Variants in HERC2 observed in about 807,000 individuals in gnomAD.
The protein encoded by HERC2 is E3 ubiquitin-protein ligase HERC2.
Under a neutral mutation model 537.7 loss-of-function variants are expected in HERC2, and 102 were observed. That is an observed-to-expected ratio of 0.19 (90% CI 0.16 to 0.22). HERC2 has a LOEUF of 0.22. Among genes scored for constraint, HERC2 ranks in the 10% least tolerant of loss-of-function variants. The probability of loss-of-function intolerance (pLI) is 1.00; values close to 1 mark genes in which losing one functional copy is unlikely to be tolerated. For missense variants in HERC2, 4,236 were observed against 6,198.2 expected, an observed-to-expected ratio of 0.68 and a Z score of 10.63; for synonymous variants, 2,224 against 2,466.2, an observed-to-expected ratio of 0.90 and a Z score of 2.91.
Position 28,206,398 on chromosome 15 carries a change from A to G in HERC2, c.7070-16T>C. The G allele has an allele frequency of 1.4e-6, 1 of 698,086 alleles. No homozygotes were observed. The highest frequency in any genetic ancestry group is 2.6e-6 in the Non-Finnish European group (1 of 388,176). 43.2% of individuals were successfully genotyped at this position (698,086 alleles called of 1,614,324 possible). A position where few individuals can be genotyped will look rare whatever the true frequency, so the allele number is the denominator to read the frequency against. On this transcript the variant is annotated splice_polypyrimidine_tract_variant and intron_variant, in intron 44 of 92. Coordinates refer to ENST00000261609, the MANE Select transcript of HERC2 (RefSeq NM_004667.6). The stretch of plus-strand genomic sequence containing the variant: ...GCTCCATCATCTGAATTTAAAAACA[A>G]AATATGTGTAAGATTCTATTTTCAA...
At chr15:28,162,896 A>G (rs996351319) in intron 69 of HERC2, among the ~76,000 whole-genome samples, 198 bp downstream of exon 69, 2 of 152,226 alleles carry the variant, frequency 1.3e-5, no homozygotes, top group Non-Finnish European at 2.9e-5. Context: ...GTCTCAAAAA[A>G]ACAAAAAACA....
Position 28,276,192 on chromosome 15 carries a change from C to CAA in HERC2, c.543-1189_543-1188dup, listed in dbSNP as rs11359639. Among the ~76,000 whole-genome samples, 133 of 70,082 alleles carry CAA rather than the reference C, an allele frequency of 1.9e-3. 1 individual carries two copies. The highest frequency in any genetic ancestry group is 2.3e-3 in the African/African-American group (46 of 19,776). 46.0% of individuals were successfully genotyped at this position (70,082 alleles called of 152,430 possible). On this transcript the variant is annotated intron_variant, in intron 5 of 92. Coordinates refer to ENST00000261609, the MANE Select transcript of HERC2 (RefSeq NM_004667.6). ...CAGAGCAAGACTCCATCTCAAAAAACAAAAAAAAAAAAAAAAAAAAAAAAA... is the reference window on the plus strand; with the variant it reads ...CAGAGCAAGACTCCATCTCAAAAAACAAAAAAAAAAAAAAAAAAAAAAAAAAA...
chr15:28,197,206 GA>G (rs1458297760), intron 50 of HERC2, among the ~76,000 whole-genome samples: 1 of 152,190 alleles, frequency 6.6e-6, no homozygotes, highest in Non-Finnish European at 1.5e-5. Context: ...GCGATCTGAT[GA>G]AAAGAGAGCC....
intron 23 of HERC2, 61 bp from the exon 24 acceptor site, chr15:28,238,833 A>G: frequency 8.3e-7 from 1 of 1,204,264 alleles, no homozygotes; most frequent in Non-Finnish European, 1.2e-6. Context: ...TGAAAAGAAC[A>G]AACTGTGTGA....
At chr15:28,315,108 G>C (rs1167975351) in intron 2 of HERC2, among the ~76,000 whole-genome samples, 2 of 152,204 alleles carry the variant, frequency 1.3e-5, no homozygotes, top group Non-Finnish European at 2.9e-5. Context: ...TGTTCAGCCA[G>C]CACATTCACT....
At chr15:28,313,858 C>G (rs1230362153) in intron 2 of HERC2, among the ~76,000 whole-genome samples, 1 of 152,060 alleles carries the variant, frequency 6.6e-6, no homozygotes. Flanking sequence ...GCCCAGAGAA[C>G]CTAAGCAAGC....
chr15:28,131,480 G>C (rs1890102163), intron 81 of HERC2, among the ~76,000 whole-genome samples: 1 of 152,206 alleles, frequency 6.6e-6, no homozygotes, highest in South Asian at 2.1e-4. Context: ...CATGCACTGA[G>C]GTCACTGAGA....
At chr15:28,277,597 C>T (rs1428233743) in intron 5 of HERC2, among the ~76,000 whole-genome samples, 1 of 152,168 alleles carries the variant, frequency 6.6e-6, no homozygotes, top group Non-Finnish European at 1.5e-5. Context: ...GGCTCTCAGC[C>T]ATTTCTGCAG....
intron 4 of HERC2, among the ~76,000 whole-genome samples, chr15:28,284,156 T>G (rs2076094220): frequency 6.6e-6 from 1 of 152,164 alleles, no homozygotes; most frequent in Non-Finnish European, 1.5e-5. Context: ...TTTCAAATTT[T>G]GGGGCATTTC....
chr15:28,245,815 A>G (rs923431623), intron 23 of HERC2, 66 bp downstream of exon 23: 16 of 1,324,750 alleles, frequency 1.2e-5, no homozygotes, highest in Non-Finnish European at 1.6e-5. Context: ...TCAAATTGAA[A>G]GGCAAGAATA....
At chr15:28,320,726 T>G (rs75777342) in intron 2 of HERC2, among the ~76,000 whole-genome samples, 2,950 of 133,056 alleles carry the variant, frequency 0.022, 73 homozygotes, top group East Asian at 0.14. Flanking sequence ...TGGGTGTAAA[T>G]AATTGTCTAT....
intron 16 of HERC2, 96 bp downstream of exon 16, chr15:28,260,681 A>G: frequency 9.9e-7 from 1 of 1,014,462 alleles, no homozygotes; most frequent in Non-Finnish European, 1.5e-6. Context: ...ACACAAGAAC[A>G]ACAAACAAAA....
chr15:28,295,334 G>A (rs1320024919), intron 3 of HERC2, among the ~76,000 whole-genome samples: 3 of 127,472 alleles, frequency 2.4e-5, no homozygotes, highest in Admixed American at 8.1e-5. Context: ...GGGGGGAGGC[G>A]GTGGGGGGGT....
chr15:28,263,837 G>C (rs576742264), intron 14 of HERC2, among the ~76,000 whole-genome samples: 2 of 152,048 alleles, frequency 1.3e-5, no homozygotes, highest in East Asian at 3.9e-4. Context: ...TTCGAGACCA[G>C]CCTGGGCAAC....
intron 65 of HERC2, among the ~76,000 whole-genome samples, chr15:28,171,145 T>A (rs936386656): frequency 6.6e-6 from 1 of 152,194 alleles, no homozygotes; most frequent in Non-Finnish European, 1.5e-5. Flanking sequence ...AATAAGAACT[T>A]ATTTTCACGT....
intron 81 of HERC2, 43 bp downstream of exon 81, chr15:28,132,057 G>A (rs201738217): frequency 2.8e-5 from 42 of 1,503,808 alleles, no homozygotes; most frequent in Admixed American, 2.6e-4. Flanking sequence ...GCCCGACTGC[G>A]GTGAGCTGGG....
intron 53 of HERC2, 140 bp from the exon 54 acceptor site, chr15:28,191,384 A>G (rs565767910): frequency 2.1e-5 from 13 of 624,330 alleles, no homozygotes; most frequent in Middle Eastern, 3.6e-4. Context: ...TTTTCCCTCA[A>G]CCTGGCAGCA....
chr15:28,136,234 C>T (rs1890621571), intron 78 of HERC2, among the ~76,000 whole-genome samples: 2 of 152,024 alleles, frequency 1.3e-5, no homozygotes, highest in South Asian at 2.1e-4. Flanking sequence ...ATCAGACTGC[C>T]GTTTTCCAAA....
intron 3 of HERC2, among the ~76,000 whole-genome samples, chr15:28,298,029 G>A (rs1474448655): frequency 3.4e-5 from 5 of 145,800 alleles, no homozygotes; most frequent in Admixed American, 7.2e-5. Flanking sequence ...GTGTGTGTGT[G>A]TGTGTGTGTG....
Sources: gnomAD v4.1 joint callset for allele counts (sites outside exome capture counted in the v4.1 genomes callset) on GRCh38, gnomAD v4.1.1 for gene constraint, MANE v1.5 for transcripts, NCBI Gene and HGNC (gene_info 2026-07-23, HGNC 2026-07-21) for gene names.